Variants in UBA3 observed in about 807,000 individuals in gnomAD.
UBA3 encodes the protein NEDD8-activating enzyme E1 catalytic subunit.
In UBA3, 26 loss-of-function variants were observed where a neutral mutation model predicts 73.5. That is an observed-to-expected ratio of 0.35 (90% CI 0.26 to 0.49). The LOEUF (loss-of-function observed/expected upper bound fraction) is 0.49. Among genes scored for constraint, UBA3 ranks in the 20% least tolerant of loss-of-function variants. UBA3 has a pLI of 0.98. For synonymous variants in UBA3, 217 were observed against 191.2 expected, an observed-to-expected ratio of 1.13 and a Z score of -1.11; for missense variants, 495 against 555.6, an observed-to-expected ratio of 0.89 and a Z score of 1.10.
In UBA3 at chr3:69,063,432, T is replaced by G; in HGVS notation, c.537+7A>C. On this transcript the variant is annotated splice_region_variant and intron_variant, in intron 8 of 17. Coordinates refer to ENST00000361055, the MANE Select transcript of UBA3 (RefSeq NM_003968.4). The stretch of plus-strand genomic sequence containing the variant: ...TCAGAGAACTATAACAATACTAAAG[T>G]CTTTACCAGCATGCCATTTATCCAT... 9 of 1,599,228 alleles carry G rather than the reference T, an allele frequency of 5.6e-6. No individual in the cohort carries two copies. The highest frequency in any genetic ancestry group is 6.8e-6 in the Non-Finnish European group (8 of 1,175,882).
In UBA3 at chr3:69,080,029, C is replaced by T. The variant is rs2092205168; in HGVS notation, c.62+83G>A. Reference sequence around the variant, plus strand: ...GGTGTCCCCCTCCCAGCCCCCCGGGCCCGCTGCGGCTGGTCCCCTAGGCCT... The same window carrying T: ...GGTGTCCCCCTCCCAGCCCCCCGGGTCCGCTGCGGCTGGTCCCCTAGGCCT... On this transcript the variant is annotated intron_variant, in intron 2 of 17. Coordinates refer to ENST00000361055, the MANE Select transcript of UBA3 (RefSeq NM_003968.4). 8 of 1,338,294 alleles carry T rather than the reference C, an allele frequency of 6.0e-6. No individual in the cohort carries two copies. The South Asian group carries it at 1.0e-4, about 17-fold the overall frequency. 82.9% of individuals were successfully genotyped at this position (1,338,294 alleles called of 1,614,324 possible). A position where few individuals can be genotyped will look rare whatever the true frequency, so the allele number is the denominator to read the frequency against.
rs1207936103 is a variant in UBA3 at position 69,061,877 on chromosome 3, G to T, written c.847C>A (p.Gln283Lys). The change falls in exon 11 of 18, where the codon CAA becomes AAA. Residue 283 changes from glutamine (Q) to lysine (K), a missense_variant. Physicochemically the swap from Gln to Lys is moderately conservative, Grantham distance 53. Transcript: ENST00000361055. The part of the protein sequence containing the change: ...DDPEHIQWIF[Q>K]KSLERASQYN... ...TGTGATGCTCTCTCTAGGGATTTTTGGAAAATCCATTGTATATGTTCAGGA... is the reference window on the plus strand; with the variant it reads ...TGTGATGCTCTCTCTAGGGATTTTTTGAAAATCCATTGTATATGTTCAGGA... The T allele has an allele frequency of 6.2e-7, 1 of 1,609,530 alleles. No individual in the cohort carries two copies.
chr3:69,070,153 T>G (rs1192278425), intron 5 of UBA3, among the ~76,000 whole-genome samples: 1 of 152,198 alleles, frequency 6.6e-6, no homozygotes, highest in Non-Finnish European at 1.5e-5. Flanking sequence ...CAATAACAAA[T>G]CAATTCAGTG....
intron 14 of UBA3, 29 bp downstream of exon 14, chr3:69,056,583 A>G: frequency 6.4e-7 from 1 of 1,551,944 alleles, no homozygotes; most frequent in Non-Finnish European, 8.8e-7. Context: ...AATATGCATG[A>G]TCAAAAATGT....
intron 3 of UBA3, 158 bp downstream of exon 3, chr3:69,077,640 A>T: frequency 2.7e-6 from 2 of 744,104 alleles, no homozygotes; most frequent in Non-Finnish European, 2.0e-6. Context: ...AAACAAAATC[A>T]GTTGTGAATA....
intron 9 of UBA3, among the ~76,000 whole-genome samples, chr3:69,062,389 A>T (rs2092029239): frequency 6.6e-6 from 1 of 152,226 alleles, no homozygotes; most frequent in Non-Finnish European, 1.5e-5. Context: ...TTTGCCCTAC[A>T]TTTACAAGGT....
intron 3 of UBA3, 43 bp from the exon 4 acceptor site, chr3:69,075,553 G>C: frequency 7.8e-7 from 1 of 1,285,620 alleles, no homozygotes. Context: ...GGTGATAACC[G>C]CAAAGACTAT....
chr3:69,055,223 G>A lies in UBA3; in HGVS notation c.*214C>T, dbSNP rs936893240. The stretch of plus-strand genomic sequence containing the variant: ...ATTTGCTCATAATCTCTCTCTCCAG[G>A]TATCATTTCTCATATTATTAATGAA... On this transcript the variant is annotated 3_prime_UTR_variant, in exon 18 of 18. Coordinates refer to ENST00000361055, the MANE Select transcript of UBA3 (RefSeq NM_003968.4). 8.5e-6 allele frequency: 3 copies of A among 352,154 alleles called. No individual in the cohort carries two copies. The highest frequency in any genetic ancestry group is 1.5e-5 in the Non-Finnish European group (3 of 194,170). 21.8% of individuals were successfully genotyped at this position (352,154 alleles called of 1,614,324 possible). A position where few individuals can be genotyped will look rare whatever the true frequency, so the allele number is the denominator to read the frequency against.
At chr3:69,073,637 T>C (rs1428907117) in intron 4 of UBA3, among the ~76,000 whole-genome samples, 1 of 137,482 alleles carries the variant, frequency 7.3e-6, no homozygotes, top group Non-Finnish European at 1.6e-5. Flanking sequence ...TATTAGTATC[T>C]TTTTTTTTTT....
rs1400531586 is a variant in UBA3 at position 69,077,914 on chromosome 3, C to A, written c.67G>T (p.Ala23Ser). 6.2e-7 allele frequency: 1 copy of A among 1,613,732 alleles called. No individual in the cohort carries two copies. The highest frequency in any genetic ancestry group is 8.5e-7 in the Non-Finnish European group (1 of 1,179,908). The change falls in exon 3 of 18, where the codon GCT becomes TCT. Residue 23 changes from alanine to serine, a missense_variant. Transcript: ENST00000361055. ...RIEELLAEKM[A>S]VDGGCGDTGD... ...GTGTCCCCACACCCACCATCAACAG[C>A]CATTCTGCACAGAACACAGTAAATT...
At chr3:69,066,066 G>A (rs566364204) in intron 6 of UBA3, among the ~76,000 whole-genome samples, 24 of 152,008 alleles carry the variant, frequency 1.6e-4, no homozygotes, top group Middle Eastern at 3.4e-3. Flanking sequence ...TTCTTCATCC[G>A]TTTAAGAGGG....
At chr3:69,063,747 C>A (rs1332824289) in intron 7 of UBA3, among the ~76,000 whole-genome samples, 3 of 151,682 alleles carry the variant, frequency 2.0e-5, no homozygotes, top group African/African-American at 7.3e-5. Context: ...AAAAAAAAAG[C>A]ACTTGCAGAA....
chr3:69,070,483 T>C (rs1190102988), intron 5 of UBA3, among the ~76,000 whole-genome samples: 1 of 152,102 alleles, frequency 6.6e-6, no homozygotes, highest in African/African-American at 2.4e-5. Flanking sequence ...AGATGCAAAC[T>C]TCCTAAATAG....
chr3:69,070,418 T>C (rs769628395), intron 5 of UBA3, among the ~76,000 whole-genome samples: 2 of 152,162 alleles, frequency 1.3e-5, no homozygotes, highest in Non-Finnish European at 2.9e-5. Flanking sequence ...GTTACCTTTT[T>C]TGCTAGCTCA....
At chr3:69,059,511 C>G (rs2092004644) in intron 11 of UBA3, among the ~76,000 whole-genome samples, 1 of 152,098 alleles carries the variant, frequency 6.6e-6, no homozygotes, top group African/African-American at 2.4e-5. Context: ...ACTGGTTAAG[C>G]AGACACCTAA....
chr3:69,063,253 T>A, intron 8 of UBA3, 116 bp from the exon 9 acceptor site: 1 of 1,367,204 alleles, frequency 7.3e-7, no homozygotes, highest in Non-Finnish European at 1.0e-6. Flanking sequence ...ATGTATCAAA[T>A]CAAGGGATTA....
At chr3:69,062,423 T>A (rs1296864669) in intron 9 of UBA3, among the ~76,000 whole-genome samples, 9 of 152,232 alleles carry the variant, frequency 5.9e-5, no homozygotes, top group Admixed American at 4.6e-4. Flanking sequence ...TTTGTTAGAC[T>A]ATGAGAAGAA....
At position 69,077,948 on chromosome 3, in the gene UBA3, A is replaced by T. The variant is rs773689074; in HGVS notation, c.63-30T>A. On this transcript the variant is annotated intron_variant, in intron 2 of 17. Coordinates refer to ENST00000361055, the MANE Select transcript of UBA3 (RefSeq NM_003968.4). ...ACAGAACACAGTAAATTCAGCTGCA[A>T]AGATCAGTATGAAAAAAACCACACC... 3.1e-6 allele frequency: 5 copies of T among 1,610,082 alleles called. No individual in the cohort carries two copies. In the East Asian group the frequency reaches 1.1e-4, roughly 36 times the overall value.
chr3:69,062,886 C>A, intron 9 of UBA3, 96 bp downstream of exon 9: 1 of 1,448,012 alleles, frequency 6.9e-7, no homozygotes, highest in Middle Eastern at 1.8e-4. Flanking sequence ...ACGGCCACTT[C>A]TAATTAACAA....
Sources: allele counts gnomAD v4.1 joint callset (sites outside exome capture counted in the v4.1 genomes callset), GRCh38; gene constraint gnomAD v4.1.1; transcripts MANE v1.5; gene names NCBI Gene and HGNC (gene_info 2026-07-23, HGNC 2026-07-21).